NPC2: variants seen among roughly 807,000 people sequenced by gnomAD.
NPC2 encodes NPC intracellular cholesterol transporter 2.
NPC2 carries 14 observed loss-of-function variants against 17.0 expected under a neutral mutation model. That is an observed-to-expected ratio of 0.82 (90% CI 0.54 to 1.29). The LOEUF (loss-of-function observed/expected upper bound fraction) is 1.29. Among genes scored for constraint, NPC2 ranks in the 50% most tolerant of loss-of-function variants. The probability of loss-of-function intolerance (pLI) is 0.00; values close to 1 mark genes in which losing one functional copy is unlikely to be tolerated. For synonymous variants in NPC2, 75 were observed against 69.3 expected (o/e 1.08, Z -0.41); for missense variants, 167 against 183.4 (o/e 0.91, Z 0.52).
chr14:74,488,624 G>T lies in NPC2; in HGVS notation c.83-2188C>A, dbSNP rs573000860. ...AGCTACTCAGGAGGCTGAGGCAGGA[G>T]AATCGCTTGAACTGGGGAGGCAGAG... On this transcript the variant is annotated intron_variant, in intron 1 of 4. Coordinates refer to ENST00000555619, the MANE Select transcript of NPC2 (RefSeq NM_006432.5). 2.6e-5 allele frequency among the ~76,000 whole-genome samples: 4 copies of T among 152,306 alleles called. No homozygotes were observed. In the East Asian group the frequency reaches 7.7e-4, roughly 29 times the overall value.
chr14:74,487,833 T>C (rs558823153), intron 1 of NPC2, among the ~76,000 whole-genome samples: 1 of 152,296 alleles, frequency 6.6e-6, no homozygotes, highest in Non-Finnish European at 1.5e-5. Flanking sequence ...CTAGCAAGAA[T>C]GAAGGAAAGC....
At chr14:74,487,662 C>T (rs2086728707) in intron 1 of NPC2, among the ~76,000 whole-genome samples, 1 of 152,192 alleles carries the variant, frequency 6.6e-6, no homozygotes, top group African/African-American at 2.4e-5. Context: ...ATCTTTCTAC[C>T]TCAAGTTCTA....
intron 3 of NPC2, among the ~76,000 whole-genome samples, chr14:74,481,170 G>C (rs552921143): frequency 6.6e-6 from 1 of 152,352 alleles, no homozygotes; most frequent in Non-Finnish European, 1.5e-5. Context: ...GATCATGGAG[G>C]AAGATCCCTC....
At chr14:74,492,637 T>C (rs1036006558) in intron 1 of NPC2, among the ~76,000 whole-genome samples, 8 of 152,214 alleles carry the variant, frequency 5.3e-5, no homozygotes, top group African/African-American at 1.7e-4. Flanking sequence ...GAGGGAGTTA[T>C]GTATCACAAG....
At chr14:74,480,350 C>A in intron 4 of NPC2, 62 bp from the exon 5 acceptor site, 5 of 1,424,844 alleles carry the variant, frequency 3.5e-6, no homozygotes, top group Non-Finnish European at 5.0e-6. Flanking sequence ...ACTGTCAGGG[C>A]AATAACCCTA....
At chr14:74,482,810 G>A (rs894461001) in intron 3 of NPC2, among the ~76,000 whole-genome samples, 9 of 150,908 alleles carry the variant, frequency 6.0e-5, no homozygotes, top group African/African-American at 2.2e-4. Context: ...ATGGTCATGA[G>A]ATCCAAGTGA....
At chr14:74,482,994 T>C in intron 3 of NPC2, 1 of 786,516 alleles carries the variant, frequency 1.3e-6, no homozygotes, top group East Asian at 2.8e-5. Context: ...TAGTGGTCCT[T>C]GGTTCAGGAG....
chr14:74,487,154 T>C (rs941793757), intron 1 of NPC2, among the ~76,000 whole-genome samples: 4 of 152,172 alleles, frequency 2.6e-5, no homozygotes, highest in Non-Finnish European at 5.9e-5. Context: ...TTTCACTATG[T>C]TGGCCAGGAT....
At chr14:74,484,686 G>T in intron 2 of NPC2, 99 bp from the exon 3 acceptor site, 2 of 1,243,750 alleles carry the variant, frequency 1.6e-6, no homozygotes, top group Non-Finnish European at 2.3e-6. Flanking sequence ...GCATTCCTAG[G>T]GTCTATTTCT....
At chr14:74,484,206 G>C (rs902083262) in intron 3 of NPC2, among the ~76,000 whole-genome samples, 2 of 152,152 alleles carry the variant, frequency 1.3e-5, no homozygotes, top group Non-Finnish European at 2.9e-5. Context: ...CTAACCATCA[G>C]GTCATAGTGA....
At chr14:74,485,210 G>T (rs1387782269) in intron 2 of NPC2, among the ~76,000 whole-genome samples, 1 of 145,752 alleles carries the variant, frequency 6.9e-6, no homozygotes, top group African/African-American at 2.6e-5. Context: ...CGGGAGAATC[G>T]CTTGAGCCCA....
At chr14:74,489,537 A>AGTGTGTGT (rs5809668) in intron 1 of NPC2, among the ~76,000 whole-genome samples, 118 of 152,014 alleles carry the variant, frequency 7.8e-4, no homozygotes, top group Non-Finnish European at 1.0e-4. Flanking sequence ...TCTTAAAATA[A>AGTGTGTGT]GTGTGTGTGT....
chr14:74,481,319 C>T (rs1381195313), intron 3 of NPC2, among the ~76,000 whole-genome samples: 1 of 152,246 alleles, frequency 6.6e-6, no homozygotes, highest in African/African-American at 2.4e-5. Flanking sequence ...GCTGGCTCCC[C>T]TTTGCCTTCT....
intron 3 of NPC2, chr14:74,483,434 C>T (rs952514596): frequency 3.3e-6 from 5 of 1,525,910 alleles, no homozygotes; most frequent in Non-Finnish European, 3.6e-6. Context: ...ATTTTATGAC[C>T]TGGTCAGACA....
intron 4 of NPC2, 60 bp downstream of exon 4, chr14:74,480,642 C>G: frequency 2.9e-6 from 4 of 1,357,196 alleles, no homozygotes; most frequent in Non-Finnish European, 4.2e-6. Context: ...TAGTTTCAGT[C>G]TGATTTCTCC....
chr14:74,480,557 G>A, intron 4 of NPC2, 145 bp downstream of exon 4: 1 of 815,420 alleles, frequency 1.2e-6, no homozygotes. Flanking sequence ...CAGGAAATAG[G>A]GTCTCAGATG....
In NPC2 at chr14:74,486,365, C is replaced by A; in HGVS notation, c.154G>T (p.Gly52Ter). 1 of 1,605,016 alleles carries A rather than the reference C, an allele frequency of 6.2e-7. No individual in the cohort carries two copies. Among genetic ancestry groups the A allele is most frequent in the Non-Finnish European group, 8.5e-7 (1 of 1,175,752 alleles). ...CPTQPCQLSK[G>*]QSYSVNVTFT... ...GTGACATTGACGCTGTAAGACTGTCCTTTGCTCAGCTGGCAGGGTTGGGTG... is the reference window on the plus strand; with the variant it reads ...GTGACATTGACGCTGTAAGACTGTCATTTGCTCAGCTGGCAGGGTTGGGTG... Residue 52 changes from glycine (G) to a stop codon, truncating the protein, a stop_gained, in exon 2 of 5, where the codon GGA becomes TGA. Coordinates refer to ENST00000555619, the MANE Select transcript of NPC2 (RefSeq NM_006432.5). LOFTEE classifies it high-confidence loss of function.
intron 4 of NPC2, 183 bp from the exon 5 acceptor site, chr14:74,480,471 T>C: frequency 5.3e-6 from 4 of 760,872 alleles, no homozygotes; most frequent in Non-Finnish European, 7.1e-6. Flanking sequence ...ATCTCTACAG[T>C]CTCACTCTCT....
chr14:74,485,656 A>T (rs894585376), intron 2 of NPC2, among the ~76,000 whole-genome samples: 5 of 152,218 alleles, frequency 3.3e-5, no homozygotes, highest in African/African-American at 1.2e-4. Context: ...TAGACTGTCT[A>T]GTCTAGTTTC....
Sources: allele counts gnomAD v4.1 joint callset (sites outside exome capture counted in the v4.1 genomes callset), GRCh38; gene constraint gnomAD v4.1.1; transcripts MANE v1.5; gene names NCBI Gene and HGNC (gene_info 2026-07-23, HGNC 2026-07-21).